The following LAPTM4B variants were observed in gnomAD, a reference collection of about 807,000 sequenced individuals.
The protein encoded by LAPTM4B is lysosomal-associated transmembrane protein 4B.
LAPTM4B carries 26 observed loss-of-function variants against 28.5 expected under a neutral mutation model. The observed-to-expected ratio is 0.91, with a 90% CI of 0.67 to 1.27. The LOEUF (loss-of-function observed/expected upper bound fraction) is 1.27. LAPTM4B is among the 50% of genes most tolerant of loss of function. The probability of loss-of-function intolerance (pLI) is 0.00; values close to 1 mark genes in which losing one functional copy is unlikely to be tolerated. For synonymous variants in LAPTM4B, 109 were observed against 106.4 expected, an observed-to-expected ratio of 1.02 and a Z score of -0.15; for missense variants, 288 against 285.8, an observed-to-expected ratio of 1.01 and a Z score of -0.06.
chr8:97,819,581 CTA>C (rs1442004273), intron 5 of LAPTM4B, among the ~76,000 whole-genome samples: 2 of 151,880 alleles, frequency 1.3e-5, no homozygotes, highest in African/African-American at 2.4e-5. Context: ...GAATATTGTT[CTA>C]TCTCAATCCA....
At chr8:97,837,247 C>T (rs943082317) in intron 6 of LAPTM4B, among the ~76,000 whole-genome samples, 36 of 142,870 alleles carry the variant, frequency 2.5e-4, no homozygotes, top group Admixed American at 1.4e-3. Context: ...CTGTGGAGTG[C>T]GTGGGTGTGA....
At chr8:97,808,242 G>A (rs1321923397) in intron 2 of LAPTM4B, among the ~76,000 whole-genome samples, 1 of 151,786 alleles carries the variant, frequency 6.6e-6, no homozygotes, top group East Asian at 2.0e-4. Context: ...GAGGTCAGGA[G>A]TTGCGAGATC....
At chr8:97,822,559 T>G (rs1165224827) in intron 5 of LAPTM4B, among the ~76,000 whole-genome samples, 1 of 150,600 alleles carries the variant, frequency 6.6e-6, no homozygotes, top group Non-Finnish European at 1.5e-5. Context: ...TTTATTTATT[T>G]ATTTATTTAT....
Position 97,805,605 on chromosome 8 carries a change from G to A in LAPTM4B, c.211+141G>A, listed in dbSNP as rs112339716. ...TGCAAATCAACGAATATTTGTGTGC[G>A]TCTAACATTCTGTCTTCTAGGTGCA... On this transcript the variant is annotated intron_variant, in intron 2 of 6. Coordinates refer to ENST00000521545, the MANE Select transcript of LAPTM4B (RefSeq NM_018407.6). The A allele has an allele frequency of 8.5e-3, 5,369 of 629,662 alleles. 42 individuals carry two copies. Among genetic ancestry groups the A allele is most frequent in the African/African-American group, 0.022 (1,202 of 54,300 alleles). 39.0% of individuals were successfully genotyped at this position (629,662 alleles called of 1,614,324 possible).
Position 97,805,349 on chromosome 8 carries a change from G to GTTT in LAPTM4B, c.100-4_100-3insTTT. On this transcript the variant is annotated splice_region_variant and splice_polypyrimidine_tract_variant and intron_variant, in intron 1 of 6. Transcript: ENST00000521545. ...CTTTTTTTTTTTTTTTTTTCTTGTTGCAGATCATCAATGCTGTGGTACTGT... is the reference window on the plus strand; with the variant it reads ...CTTTTTTTTTTTTTTTTTTCTTGTTGTTTCAGATCATCAATGCTGTGGTACTGT... 6.5e-6 allele frequency: 6 copies of GTTT among 924,788 alleles called. No individual in the cohort carries two copies. Among genetic ancestry groups the GTTT allele is most frequent in the Non-Finnish European group, 9.3e-6 (6 of 643,424 alleles). 57.3% of individuals were successfully genotyped at this position (924,788 alleles called of 1,614,324 possible).
intron 1 of LAPTM4B, among the ~76,000 whole-genome samples, chr8:97,777,250 G>C (rs942078669): frequency 6.9e-6 from 1 of 144,226 alleles, no homozygotes; most frequent in Admixed American, 7.4e-5. Flanking sequence ...AGGTTCAAGC[G>C]ATTCTCCTTC....
rs750532939 is a variant in LAPTM4B at position 97,851,499 on chromosome 8, G to A, written c.*25G>A. The A allele has an allele frequency of 1.3e-6, 2 of 1,573,256 alleles. No homozygotes were observed. The highest frequency in any genetic ancestry group is 8.7e-7 in the Non-Finnish European group (1 of 1,143,054). ...AGCCTTCAAGTGGGCGGAGCTGAGG[G>A]CAGCAGCTTGACTTTGCAGACATCT... On this transcript the variant is annotated 3_prime_UTR_variant, in exon 7 of 7. Transcript: ENST00000521545.
chr8:97,844,117 G>A (rs67724266), intron 6 of LAPTM4B, among the ~76,000 whole-genome samples: 47,233 of 151,214 alleles, frequency 0.31, 8,309 homozygotes, highest in Non-Finnish European at 0.41. Flanking sequence ...GATGGGGAGA[G>A]GGGGGTCTCT....
chr8:97,850,578 A>G (rs1048876544), intron 6 of LAPTM4B, among the ~76,000 whole-genome samples: 5 of 150,602 alleles, frequency 3.3e-5, no homozygotes, highest in Non-Finnish European at 1.5e-5. Flanking sequence ...AAATTAACAA[A>G]ATTGATGAAT....
intron 1 of LAPTM4B, among the ~76,000 whole-genome samples, chr8:97,782,841 C>T (rs2129722395): frequency 6.6e-6 from 1 of 152,100 alleles, no homozygotes; most frequent in Middle Eastern, 3.4e-3. Flanking sequence ...AAGTGATTCT[C>T]CTGCTTCAGC....
At chr8:97,807,133 G>A (rs1048688125) in intron 2 of LAPTM4B, among the ~76,000 whole-genome samples, 11 of 152,160 alleles carry the variant, frequency 7.2e-5, no homozygotes, top group Admixed American at 2.6e-4. Context: ...AGGCTCCGAA[G>A]CCAGAAGAGG....
At chr8:97,838,102 T>C (rs11779860) in intron 6 of LAPTM4B, among the ~76,000 whole-genome samples, 61,655 of 152,038 alleles carry the variant, frequency 0.41, 13,056 homozygotes, top group Non-Finnish European at 0.46. Context: ...GCAGGAGTGC[T>C]GGGAGTGAGC....
chr8:97,788,728 T>C (rs1406368322), intron 1 of LAPTM4B, among the ~76,000 whole-genome samples: 1 of 150,790 alleles, frequency 6.6e-6, no homozygotes, highest in Non-Finnish European at 1.5e-5. Context: ...GAAGTCTAGC[T>C]CTGTTGCCCA....
intron 4 of LAPTM4B, among the ~76,000 whole-genome samples, chr8:97,816,955 C>A (rs918531680): frequency 6.6e-5 from 10 of 151,618 alleles, no homozygotes; most frequent in Non-Finnish European, 1.2e-4. Context: ...AAAGAAAAAT[C>A]AAAAGAAAGT....
rs190105774 is a variant in LAPTM4B at position 97,816,215 on chromosome 8, T to C, written c.408+35T>C. ...CCTCTTACTGCTCCTTTTCATTAAT[T>C]CTTTTCATTAGGGAAGCTGGTTAAG... On this transcript the variant is annotated intron_variant, in intron 4 of 6. Coordinates refer to ENST00000521545, the MANE Select transcript of LAPTM4B (RefSeq NM_018407.6). The C allele has an allele frequency of 4.3e-3, 6,796 of 1,578,308 alleles. 36 individuals are homozygous for C. The highest frequency in any genetic ancestry group is 5.2e-3 in the Non-Finnish European group (5,983 of 1,160,718).
At chr8:97,847,878 T>C (rs1817455240) in intron 6 of LAPTM4B, among the ~76,000 whole-genome samples, 1 of 152,228 alleles carries the variant, frequency 6.6e-6, no homozygotes, top group Non-Finnish European at 1.5e-5. Flanking sequence ...TGTCAGAAAC[T>C]TTAATGAAAG....
rs549310057 is a variant in LAPTM4B, at chr8:97,840,461, T to C, written c.604-10936T>C. On this transcript the variant is annotated intron_variant, in intron 6 of 6. Coordinates refer to ENST00000521545, the MANE Select transcript of LAPTM4B (RefSeq NM_018407.6). Reference sequence around the variant, plus strand: ...AAATCTACCTCTATCTTGTTTGCCTTTGGAAACAATTCCTTGCTCTAGGTG... The same window carrying C: ...AAATCTACCTCTATCTTGTTTGCCTCTGGAAACAATTCCTTGCTCTAGGTG... 7.9e-5 allele frequency among the ~76,000 whole-genome samples: 12 copies of C among 152,286 alleles called. No individual in the cohort carries two copies. In the East Asian group the frequency reaches 2.3e-3, roughly 29 times the overall value.
chr8:97,819,234 T>C lies in LAPTM4B; in HGVS notation c.503T>C (p.Phe168Ser). ...CTGTTTATTAGCATTATCTTGACTT[T>C]TAAGGTAAGCATGAAGATTTTACTT... ...ILLFISIILT[F>S]KGYLISCVWN... is the part of the protein sequence containing the mutation. The change falls in exon 5 of 7, where the codon TTT becomes TCT. Residue 168 changes from phenylalanine (F) to serine (S), a missense_variant. Coordinates refer to ENST00000521545, the MANE Select transcript of LAPTM4B (RefSeq NM_018407.6). 1.3e-6 allele frequency: 2 copies of C among 1,562,392 alleles called. No individual in the cohort carries two copies. The highest frequency in any genetic ancestry group is 1.8e-6 in the Non-Finnish European group (2 of 1,137,068).
intron 2 of LAPTM4B, among the ~76,000 whole-genome samples, chr8:97,806,837 A>T (rs1351394637): frequency 1.3e-5 from 2 of 152,102 alleles, no homozygotes; most frequent in African/African-American, 4.8e-5. Context: ...AGTGCCTGTA[A>T]TCCCAGCTAC....
Sources: allele counts gnomAD v4.1 joint callset (sites outside exome capture counted in the v4.1 genomes callset), GRCh38; gene constraint gnomAD v4.1.1; transcripts MANE v1.5; gene names NCBI Gene and HGNC (gene_info 2026-07-23, HGNC 2026-07-21).